The following BRDT variants were observed in gnomAD, a reference collection of about 807,000 sequenced individuals.
BRDT encodes the protein bromodomain testis associated.
Under a neutral mutation model 113.9 loss-of-function variants are expected in BRDT, and 77 were observed. That is an observed-to-expected ratio of 0.68 (90% CI 0.56 to 0.82). The LOEUF is 0.82. Ranked by LOEUF, BRDT falls within the 40% of genes least tolerant of loss-of-function variation. The pLI, the probability that BRDT is intolerant of heterozygous loss-of-function variation, is 0.00. For synonymous variants in BRDT, 358 were observed against 366.5 expected (o/e 0.98, Z 0.26); for missense variants, 1,027 against 1,105.4 (o/e 0.93, Z 1.01).
At chr1:91,968,431 G>A (rs1452650489) in intron 4 of BRDT, among the ~76,000 whole-genome samples, 171 bp downstream of exon 4, 1 of 152,118 alleles carries the variant, frequency 6.6e-6, no homozygotes, top group Admixed American at 6.6e-5. Context: ...CACAAGGATG[G>A]GTATCATTCA....
At chr1:92,013,715 A>G (rs1687997399) in intron 18 of BRDT, among the ~76,000 whole-genome samples, 1 of 152,234 alleles carries the variant, frequency 6.6e-6, no homozygotes, top group Non-Finnish European at 1.5e-5. Context: ...TATACATAGA[A>G]TAGACTAGGT....
chr1:92,013,105 C>T (rs1410661740), intron 18 of BRDT, among the ~76,000 whole-genome samples: 1 of 150,820 alleles, frequency 6.6e-6, no homozygotes, highest in Non-Finnish European at 1.5e-5. Flanking sequence ...GTAATCCCAG[C>T]TCCTTGGGAG....
At position 91,991,179 on chromosome 1, in the gene BRDT, T is replaced by G. The variant is rs371876510; in HGVS notation, c.2003-5T>G. ...ATTAAAATATTTATGTGTATACATT[T>G]GCAGAAATGTTCCCTAAGTTTACAG... On this transcript the variant is annotated splice_region_variant and splice_polypyrimidine_tract_variant and intron_variant, in intron 12 of 18. Coordinates refer to ENST00000399546, the MANE Select transcript of BRDT (RefSeq NM_207189.4). 220 of 1,507,526 alleles carry G rather than the reference T, an allele frequency of 1.5e-4. No individual in the cohort carries two copies. Among genetic ancestry groups the G allele is most frequent in the Non-Finnish European group, 1.9e-4 (213 of 1,099,966 alleles). 93.4% of individuals were successfully genotyped at this position (1,507,526 alleles called of 1,614,324 possible).
At position 91,981,177 on chromosome 1, in the gene BRDT, T is replaced by C; in HGVS notation, c.1749T>C (p.Pro583=). ...ACLRKRPLKP[P]AKKIMMSKEE... is the part of the protein sequence containing the mutation. ...TAAGAAAGAGACCATTAAAACCTCC[T>C]GGTATGTATTTCTGCATATTAATAG... Residue 583 remains proline (P), a splice_region_variant and synonymous_variant, in exon 10 of 19, where the codon CCT becomes CCC. Transcript: ENST00000399546. The C allele has an allele frequency of 6.2e-7, 1 of 1,608,124 alleles. No individual in the cohort carries two copies. The highest frequency in any genetic ancestry group is 8.5e-7 in the Non-Finnish European group (1 of 1,178,126).
chr1:91,969,199 C>G (rs1445244529), intron 4 of BRDT, among the ~76,000 whole-genome samples: 1 of 152,038 alleles, frequency 6.6e-6, no homozygotes, highest in Non-Finnish European at 1.5e-5. Flanking sequence ...CTCGGCCTCC[C>G]AAAGTGCTGG....
At chr1:91,994,595 G>A (rs962129322) in intron 15 of BRDT, among the ~76,000 whole-genome samples, 12 of 152,018 alleles carry the variant, frequency 7.9e-5, no homozygotes, top group Admixed American at 5.9e-4. Flanking sequence ...GGCCGGGCGC[G>A]GTGGCTCACG....
chr1:91,963,953 C>T (rs1682781315), intron 2 of BRDT, among the ~76,000 whole-genome samples: 1 of 152,000 alleles, frequency 6.6e-6, no homozygotes, highest in African/African-American at 2.4e-5. Context: ...ACCGCTGCAA[C>T]CTCTGCCTCC....
intron 12 of BRDT, among the ~76,000 whole-genome samples, chr1:91,986,214 A>G (rs533036792): frequency 1.3e-5 from 2 of 152,372 alleles, no homozygotes; most frequent in African/African-American, 2.4e-5. Context: ...GTATGCACAC[A>G]TAAGCTATTG....
intron 3 of BRDT, among the ~76,000 whole-genome samples, chr1:91,965,899 T>C (rs1029980053): frequency 3.3e-5 from 5 of 152,174 alleles, no homozygotes; most frequent in Non-Finnish European, 5.9e-5. Context: ...TTCTCCCTTT[T>C]GCCTTTCCCT....
At chr1:91,975,336 G>A (rs1379108397) in intron 4 of BRDT, among the ~76,000 whole-genome samples, 1 of 152,054 alleles carries the variant, frequency 6.6e-6, no homozygotes, top group Non-Finnish European at 1.5e-5. Context: ...GTGTGGAGAA[G>A]AGGACAAGCA....
Position 92,005,282 on chromosome 1 carries a change from AG to A in BRDT, c.2760del (p.Arg921GlyfsTer12), listed in dbSNP as rs1687200958. The A allele has an allele frequency of 6.4e-7, 1 of 1,555,216 alleles. No individual in the cohort carries two copies. Among genetic ancestry groups the A allele is most frequent in the African/African-American group, 1.4e-5 (1 of 71,268 alleles). On this transcript the variant is annotated frameshift_variant, in exon 18 of 19. Transcript: ENST00000399546. LOFTEE classifies it high-confidence loss of function. ...RDLARQKEQE[R>X]RRREAMVGTI... ...TTTAGCAAGGCAGAAAGAACAAGAG[AG>A]GAGGAGGAGAGAAGCAGTAAGTGAA...
chr1:91,965,361 A>G (rs1682952829), intron 3 of BRDT, among the ~76,000 whole-genome samples: 1 of 152,106 alleles, frequency 6.6e-6, no homozygotes, highest in African/African-American at 2.4e-5. Flanking sequence ...CCAAAATACC[A>G]ATGAGAGCTG....
chr1:91,992,115 A>G, intron 13 of BRDT, 149 bp from the exon 14 acceptor site: 1 of 427,858 alleles, frequency 2.3e-6, no homozygotes, highest in Non-Finnish European at 4.1e-6. Flanking sequence ...CAAACATACA[A>G]TTATTTATGT....
chr1:91,987,745 T>C (rs1375952020), intron 12 of BRDT, among the ~76,000 whole-genome samples: 1 of 152,238 alleles, frequency 6.6e-6, no homozygotes, highest in Non-Finnish European at 1.5e-5. Flanking sequence ...TAATATTTAG[T>C]ATCTCTGGAA....
chr1:91,982,604 G>A (rs1684822310), intron 12 of BRDT, among the ~76,000 whole-genome samples: 1 of 152,102 alleles, frequency 6.6e-6, no homozygotes. Flanking sequence ...TGTGACATCA[G>A]GAATTCTTAG....
chr1:91,991,049 G>A (rs377184696), intron 12 of BRDT, 135 bp from the exon 13 acceptor site: 13 of 430,500 alleles, frequency 3.0e-5, no homozygotes, highest in South Asian at 1.9e-4. Flanking sequence ...CACCTGCCTC[G>A]GCCTCCCAAA....
intron 4 of BRDT, among the ~76,000 whole-genome samples, chr1:91,975,479 C>T (rs1443434301): frequency 6.6e-6 from 1 of 152,124 alleles, no homozygotes; most frequent in Non-Finnish European, 1.5e-5. Flanking sequence ...AGAAGAAAGA[C>T]CTGCCTGGAT....
intron 1 of BRDT, among the ~76,000 whole-genome samples, chr1:91,957,774 C>T (rs1378119517): frequency 1.3e-5 from 2 of 152,152 alleles, no homozygotes; most frequent in East Asian, 1.9e-4. Flanking sequence ...CCTATTCCCT[C>T]CTCCCCAAAC....
At chr1:92,013,236 TA>T (rs543892272) in intron 18 of BRDT, among the ~76,000 whole-genome samples, 59 of 151,000 alleles carry the variant, frequency 3.9e-4, no homozygotes, top group African/African-American at 1.1e-3. Flanking sequence ...AAAAAAAGAT[TA>T]AAAAAAATGT....
Sources: allele counts gnomAD v4.1 joint callset (sites outside exome capture counted in the v4.1 genomes callset), GRCh38; gene constraint gnomAD v4.1.1; transcripts MANE v1.5; gene names NCBI Gene and HGNC (gene_info 2026-07-23, HGNC 2026-07-21).